SESN1: variants seen among roughly 807,000 people sequenced by gnomAD.
The protein encoded by SESN1 is sestrin 1.
In SESN1, 30 loss-of-function variants were observed where a neutral mutation model predicts 59.3. That is an observed-to-expected ratio of 0.51 (90% CI 0.38 to 0.69). The LOEUF is 0.69. SESN1 is among the 30% of genes least tolerant of loss of function. The pLI is 0.00. For missense variants in SESN1, 566 were observed against 673.0 expected (o/e 0.84, Z 1.76); for synonymous variants, 197 against 219.9 (o/e 0.90, Z 0.92).
chr6:109,009,051 A>G, intron 1 of SESN1: 1 of 944,326 alleles, frequency 1.1e-6, no homozygotes, highest in East Asian at 5.8e-5. Context: ...CGACAATGTT[A>G]TTTACGTATT....
rs1292782677 is a variant in SESN1 at position 109,094,063 on chromosome 6, C to G, written c.11G>C (p.Gly4Ala). 1.2e-6 allele frequency: 2 copies of G among 1,612,456 alleles called. No individual in the cohort carries two copies. Among genetic ancestry groups the G allele is most frequent in the Admixed American group, 3.3e-5 (2 of 59,976 alleles). Residue 4 changes from glycine to alanine, a missense_variant, in exon 1 of 10, where the codon GGA becomes GCA. Physicochemically the swap from Gly to Ala is moderately conservative, Grantham distance 60. Coordinates refer to ENST00000436639, the MANE Select transcript of SESN1 (RefSeq NM_014454.3). ...TCCATCCCATCTCACTTCATTCTCT[C>G]CTTCAGCCATGACAATAGTTTTTCC... MAE[G>A]ENEVRWDGLC...
Position 109,001,420 on chromosome 6 carries a change from G to A in SESN1, c.414C>T (p.Gly138=). ...TCACTAACGTAATGTTATCCAAACGGCCCAAAGCAGCAAAAGAATCTGCAA... is the reference window on the plus strand; with the variant it reads ...TCACTAACGTAATGTTATCCAAACGACCCAAAGCAGCAAAAGAATCTGCAA... ...ALFADSFAAL[G]RLDNITLVMV... The change falls in exon 3 of 10, where the codon GGC becomes GGT. Residue 138 remains glycine, a synonymous_variant. Transcript: ENST00000436639. The A allele has an allele frequency of 1.2e-6, 2 of 1,613,770 alleles. No individual in the cohort carries two copies. Among genetic ancestry groups the A allele is most frequent in the Non-Finnish European group, 1.7e-6 (2 of 1,179,794 alleles).
In SESN1 at chr6:108,986,214, T is replaced by G. The variant is rs550726127; in HGVS notation, c.*1330A>C. 6.6e-6 allele frequency among the ~76,000 whole-genome samples: 1 copy of G among 152,288 alleles called. No homozygotes were observed. Among genetic ancestry groups the G allele is most frequent in the South Asian group, 2.1e-4 (1 of 4,824 alleles). ...AAATTCTATTGGAACTCTAAAACAGTTGAAAAGAGAGCAGGCATAGGGCCA... is the reference window on the plus strand; with the variant it reads ...AAATTCTATTGGAACTCTAAAACAGGTGAAAAGAGAGCAGGCATAGGGCCA... On this transcript the variant is annotated 3_prime_UTR_variant, in exon 10 of 10. Transcript: ENST00000436639.
chr6:109,031,649 CCA>C (rs1780183880), intron 1 of SESN1, among the ~76,000 whole-genome samples: 1 of 152,174 alleles, frequency 6.6e-6, no homozygotes, highest in Non-Finnish European at 1.5e-5. Flanking sequence ...ACTATAATTT[CCA>C]GTGAGCTAGC....
At chr6:109,042,666 T>C (rs767327068) in intron 1 of SESN1, among the ~76,000 whole-genome samples, 4 of 151,900 alleles carry the variant, frequency 2.6e-5, no homozygotes, top group Non-Finnish European at 5.9e-5. Flanking sequence ...TACTATGAAA[T>C]AGATCACCTG....
intron 1 of SESN1, among the ~76,000 whole-genome samples, chr6:109,026,782 C>T (rs938906777): frequency 7.9e-5 from 12 of 152,120 alleles, no homozygotes; most frequent in African/African-American, 2.4e-4. Context: ...GGATTGCAGG[C>T]GTGAGCCACT....
intron 1 of SESN1, among the ~76,000 whole-genome samples, chr6:109,030,034 A>G (rs183214529): frequency 1.3e-5 from 2 of 152,304 alleles, no homozygotes; most frequent in Non-Finnish European, 2.9e-5. Context: ...TCTGCACCCA[A>G]TATAAGTGGC....
At chr6:109,048,313 C>T (rs969612210) in intron 1 of SESN1, among the ~76,000 whole-genome samples, 2 of 152,172 alleles carry the variant, frequency 1.3e-5, no homozygotes, top group Non-Finnish European at 2.9e-5. Context: ...GAGCCACCTT[C>T]CTGAGACATT....
At chr6:109,075,911 T>G (rs1274152877) in intron 1 of SESN1, among the ~76,000 whole-genome samples, 1 of 152,206 alleles carries the variant, frequency 6.6e-6, no homozygotes, top group East Asian at 1.9e-4. Context: ...CCTCGGCTTG[T>G]GGAAGCCTCT....
At chr6:109,050,147 G>T (rs1485511909) in intron 1 of SESN1, among the ~76,000 whole-genome samples, 1 of 152,094 alleles carries the variant, frequency 6.6e-6, no homozygotes, top group Non-Finnish European at 1.5e-5. Flanking sequence ...AGGTTTTATG[G>T]GATGACACAA....
intron 1 of SESN1, among the ~76,000 whole-genome samples, chr6:109,053,446 G>T (rs1270095763): frequency 2.0e-5 from 3 of 152,196 alleles, no homozygotes; most frequent in Non-Finnish European, 4.4e-5. Flanking sequence ...AGCATGGTGT[G>T]GGGGAGGGGA....
At chr6:109,032,630 G>A (rs566701399) in intron 1 of SESN1, among the ~76,000 whole-genome samples, 1 of 151,714 alleles carries the variant, frequency 6.6e-6, no homozygotes, top group Non-Finnish European at 1.5e-5. Flanking sequence ...GGGGGGAGTG[G>A]GGGGGAAGAG....
chr6:109,007,344 A>G (rs1779753358), intron 1 of SESN1, among the ~76,000 whole-genome samples: 1 of 152,204 alleles, frequency 6.6e-6, no homozygotes, highest in Non-Finnish European at 1.5e-5. Context: ...CCTTAAGTGA[A>G]ATAATGAATG....
Position 108,988,565 on chromosome 6 carries a change from C to T in SESN1, c.1547G>A (p.Arg516Lys), listed in dbSNP as rs773577159. 2 of 1,611,938 alleles carry T rather than the reference C, an allele frequency of 1.2e-6. No individual in the cohort carries two copies. Among genetic ancestry groups the T allele is most frequent in the Admixed American group, 3.4e-5 (2 of 59,666 alleles). ...VTKRMYDSFW[R>K]QFKHSEKVHV... ...TACCTTCTCAGAGTGCTTGAACTGC[C>T]TCCAGAAGCTATCATACATTCTTTT... The change falls in exon 9 of 10, where the codon AGG becomes AAG. Residue 516 changes from arginine to lysine, a missense_variant. Transcript: ENST00000436639.
chr6:109,030,828 T>A (rs1780171642), intron 1 of SESN1, among the ~76,000 whole-genome samples: 1 of 152,226 alleles, frequency 6.6e-6, no homozygotes, highest in Admixed American at 6.5e-5. Flanking sequence ...TCATTATTCC[T>A]ATATTACCCA....
intron 1 of SESN1, chr6:109,087,978 G>A (rs1781242670): frequency 6.6e-6 from 1 of 152,140 alleles, no homozygotes; most frequent in Non-Finnish European, 1.5e-5. Flanking sequence ...GGGTCTCCTG[G>A]TCCTTAGGGG....
intron 1 of SESN1, among the ~76,000 whole-genome samples, chr6:109,032,340 T>C (rs1780194047): frequency 1.3e-5 from 2 of 152,124 alleles, no homozygotes; most frequent in Admixed American, 6.5e-5. Flanking sequence ...AAGGTAAGGC[T>C]GGGCGCAGTG....
At chr6:109,026,933 G>A (rs1215591647) in intron 1 of SESN1, among the ~76,000 whole-genome samples, 1 of 152,122 alleles carries the variant, frequency 6.6e-6, no homozygotes, top group African/African-American at 2.4e-5. Flanking sequence ...CAGCACTTCA[G>A]GAGCCCAGGA....
At chr6:109,040,391 C>A (rs1780319080) in intron 1 of SESN1, among the ~76,000 whole-genome samples, 2 of 152,108 alleles carry the variant, frequency 1.3e-5, no homozygotes, top group African/African-American at 2.4e-5. Context: ...TAAAAGGTTT[C>A]ATTTATTGTT....
Sources: allele counts gnomAD v4.1 joint callset (sites outside exome capture counted in the v4.1 genomes callset), GRCh38; gene constraint gnomAD v4.1.1; transcripts MANE v1.5; gene names NCBI Gene and HGNC (gene_info 2026-07-23, HGNC 2026-07-21).